ACOXL: variants seen among roughly 807,000 people sequenced by gnomAD.
ACOXL encodes the protein acyl-coenzyme A oxidase-like protein.
In ACOXL, 70 loss-of-function variants were observed where a neutral mutation model predicts 71.9. That is an observed-to-expected ratio of 0.97 (90% confidence interval 0.80 to 1.19). The LOEUF (loss-of-function observed/expected upper bound fraction) is 1.19, where lower values mean the gene tolerates loss of function less well. Among genes scored for constraint, ACOXL ranks in the 50% most tolerant of loss-of-function variants. The pLI is 0.00. For missense variants in ACOXL, 703 were observed against 736.3 expected, an observed-to-expected ratio of 0.95 and a Z score of 0.52; for synonymous variants, 253 against 281.6, an observed-to-expected ratio of 0.90 and a Z score of 1.02.
chr2:110,883,913 C>T (rs1246366709), intron 10 of ACOXL, among the ~76,000 whole-genome samples: 2 of 152,056 alleles, frequency 1.3e-5, no homozygotes, highest in Non-Finnish European at 2.9e-5. Flanking sequence ...ATAGTACACA[C>T]TTAAATATTA....
At chr2:110,741,452 A>C (rs983386094) in intron 1 of ACOXL, among the ~76,000 whole-genome samples, 3 of 152,312 alleles carry the variant, frequency 2.0e-5, no homozygotes, top group Admixed American at 2.0e-4. Flanking sequence ...GAAGGACACC[A>C]GTCAATATCT....
chr2:111,060,328 A>C (rs1422849672), intron 16 of ACOXL, among the ~76,000 whole-genome samples: 3 of 152,082 alleles, frequency 2.0e-5, no homozygotes, highest in Admixed American at 2.0e-4. Context: ...CTCCAATAGT[A>C]ATGAGGCCAC....
At chr2:110,998,511 C>T (rs917264655) in intron 14 of ACOXL, among the ~76,000 whole-genome samples, 4 of 152,216 alleles carry the variant, frequency 2.6e-5, no homozygotes, top group East Asian at 1.9e-4. Context: ...CTGCGAATTG[C>T]GCCTTGGTTT....
intron 12 of ACOXL, among the ~76,000 whole-genome samples, chr2:110,935,741 C>G (rs1324903630): frequency 6.6e-6 from 1 of 152,138 alleles, no homozygotes; most frequent in African/African-American, 2.4e-5. Flanking sequence ...CCATAACAAC[C>G]AGTCCTCTAA....
At chr2:110,789,845 G>C (rs1684433682) in intron 3 of ACOXL, among the ~76,000 whole-genome samples, 1 of 152,238 alleles carries the variant, frequency 6.6e-6, no homozygotes, top group Admixed American at 6.5e-5. Context: ...AGTCTCTTTA[G>C]GAGGCCCTTG....
intron 11 of ACOXL, among the ~76,000 whole-genome samples, chr2:110,915,356 G>A (rs905080094): frequency 0.011 from 1,387 of 130,042 alleles, 19 homozygotes; most frequent in African/African-American, 0.044. Context: ...ATATATGTGT[G>A]TGTGTGTGTG....
At chr2:110,857,511 A>G (rs1285683016) in intron 10 of ACOXL, among the ~76,000 whole-genome samples, 15 of 152,190 alleles carry the variant, frequency 9.9e-5, no homozygotes, top group Non-Finnish European at 1.5e-5. Context: ...GTTTGGGCCA[A>G]CAACTGGAAA....
intron 2 of ACOXL, 50 bp downstream of exon 2, chr2:110,768,514 G>C: frequency 8.2e-6 from 4 of 487,918 alleles, no homozygotes; most frequent in Non-Finnish European, 1.1e-5. Context: ...GTGTGTGTGT[G>C]AGAGAGAGAG....
chr2:111,106,995 A>G (rs930996465), intron 17 of ACOXL, among the ~76,000 whole-genome samples: 4 of 152,192 alleles, frequency 2.6e-5, no homozygotes, highest in African/African-American at 9.7e-5. Context: ...TGGTAAAAGG[A>G]AGGATGCCTC....
At chr2:110,916,418 G>A (rs2059862095) in intron 11 of ACOXL, among the ~76,000 whole-genome samples, 1 of 152,052 alleles carries the variant, frequency 6.6e-6, no homozygotes. Context: ...GCAATGTTTA[G>A]GGGGAAATTT....
At chr2:111,005,685 T>C (rs1367064497) in intron 14 of ACOXL, among the ~76,000 whole-genome samples, 1 of 152,182 alleles carries the variant, frequency 6.6e-6, no homozygotes, top group Non-Finnish European at 1.5e-5. Flanking sequence ...CTCACCTTAG[T>C]TCTCTTCTGT....
chr2:110,971,946 C>A (rs1285427106), intron 12 of ACOXL, among the ~76,000 whole-genome samples: 1 of 152,188 alleles, frequency 6.6e-6, no homozygotes, highest in Admixed American at 6.5e-5. Context: ...TGTGATTCAA[C>A]AGCACTTGAC....
rs529608787 is a variant in ACOXL, at chr2:111,046,617, G to A, written c.1370-2601G>A. On this transcript the variant is annotated intron_variant, in intron 15 of 17. Coordinates refer to ENST00000439055, the MANE Select transcript of ACOXL (RefSeq NM_001142807.4). ...CCTGTATAAAACCATCAGATCTCAT[G>A]AGAACTCACTATCATGAGAACAGTA... Among the ~76,000 whole-genome samples the A allele has an allele frequency of 2.0e-5, 3 of 152,264 alleles. No individual in the cohort carries two copies. The East Asian group carries it at 5.8e-4, about 29-fold the overall frequency.
intron 15 of ACOXL, among the ~76,000 whole-genome samples, chr2:111,048,393 C>T (rs185457487): frequency 6.1e-4 from 93 of 152,290 alleles, no homozygotes; most frequent in Non-Finnish European, 1.2e-3. Flanking sequence ...TTAGTAAAAG[C>T]CTTAATGCGT....
At chr2:110,855,448 T>C (rs1359558863) in intron 10 of ACOXL, among the ~76,000 whole-genome samples, 4 of 152,140 alleles carry the variant, frequency 2.6e-5, no homozygotes, top group Admixed American at 2.6e-4. Context: ...TCTGCTGACC[T>C]GGGCAGAGCT....
At chr2:110,902,286 G>T (rs770187438) in intron 10 of ACOXL, among the ~76,000 whole-genome samples, 1 of 151,984 alleles carries the variant, frequency 6.6e-6, no homozygotes, top group African/African-American at 2.4e-5. Context: ...CCTGGACAAC[G>T]TGATGAAACC....
intron 16 of ACOXL, among the ~76,000 whole-genome samples, chr2:111,057,044 C>G (rs752650277): frequency 6.6e-6 from 1 of 152,132 alleles, no homozygotes; most frequent in Non-Finnish European, 1.5e-5. Flanking sequence ...GGGCTAAGTG[C>G]CGAGAGCAAA....
At chr2:110,827,912 C>T (rs899353375) in intron 9 of ACOXL, among the ~76,000 whole-genome samples, 8 of 152,278 alleles carry the variant, frequency 5.3e-5, no homozygotes, top group African/African-American at 1.4e-4. Context: ...TTCTTAACTG[C>T]GATTTTTAAT....
intron 9 of ACOXL, among the ~76,000 whole-genome samples, chr2:110,827,729 G>A (rs12474907): frequency 0.15 from 23,171 of 151,962 alleles, 3,219 homozygotes; most frequent in African/African-American, 0.35. Context: ...AGCTGACCCT[G>A]GAAAGGAAGG....
Sources: gnomAD v4.1 joint callset for allele counts (sites outside exome capture counted in the v4.1 genomes callset) on GRCh38, gnomAD v4.1.1 for gene constraint, MANE v1.5 for transcripts, NCBI Gene and HGNC (gene_info 2026-07-23, HGNC 2026-07-21) for gene names.